Variants in USP46 observed in about 807,000 individuals in gnomAD.
The protein encoded by USP46 is ubiquitin carboxyl-terminal hydrolase 46.
A neutral mutation model predicts 44.4 loss-of-function variants in USP46; 12 were observed. That is an observed-to-expected ratio of 0.27 (90% CI 0.17 to 0.44). The LOEUF (loss-of-function observed/expected upper bound fraction) is 0.44. Among genes scored for constraint, USP46 ranks in the 20% least tolerant of loss-of-function variants. The pLI is 1.00. For missense variants in USP46, 248 were observed against 444.8 expected (o/e 0.56, Z 3.98); for synonymous variants, 155 against 161.5 (o/e 0.96, Z 0.31).
chr4:52,621,151 CAAAGA>C (rs760779025), intron 4 of USP46, among the ~76,000 whole-genome samples: 2 of 151,962 alleles, frequency 1.3e-5, no homozygotes, highest in Non-Finnish European at 2.9e-5. Flanking sequence ...GAAGCTCTTC[CAAAGA>C]AAAGAGAGAA....
chr4:52,625,998 A>AGAT lies in USP46; in HGVS notation c.561+19_561+20insATC. On this transcript the variant is annotated intron_variant, in intron 4 of 8. Coordinates refer to ENST00000441222, the MANE Select transcript of USP46 (RefSeq NM_022832.4). ...TAAATATGAACATGCGAGCTACATA[A>AGAT]GAGCTCCCCTAGTACTTACAGTTTC... The AGAT allele has an allele frequency of 3.1e-6, 5 of 1,602,580 alleles. No homozygotes were observed. Among genetic ancestry groups the AGAT allele is most frequent in the Non-Finnish European group, 4.3e-6 (5 of 1,171,996 alleles).
At chr4:52,600,086 C>A (rs938763339) in intron 7 of USP46, among the ~76,000 whole-genome samples, 1 of 152,196 alleles carries the variant, frequency 6.6e-6, no homozygotes, top group Non-Finnish European at 1.5e-5. Context: ...AAATTATCTG[C>A]AGTGGTTTGT....
Position 52,602,177 on chromosome 4 carries a change from A to G in USP46, c.723-123T>C, listed in dbSNP as rs1433669578. 24 of 1,095,236 alleles carry G rather than the reference A, an allele frequency of 2.2e-5. 1 individual carries two copies. The East Asian group carries it at 5.3e-4, about 24-fold the overall frequency. 67.8% of individuals were successfully genotyped at this position (1,095,236 alleles called of 1,614,324 possible). ...TCCAACTTCAAACCAGCAAACAACCAAACAGTTTGCAAGGATAAAAGTATG... is the reference window on the plus strand; with the variant it reads ...TCCAACTTCAAACCAGCAAACAACCGAACAGTTTGCAAGGATAAAAGTATG... On this transcript the variant is annotated intron_variant, in intron 6 of 8. Transcript: ENST00000441222.
intron 1 of USP46, among the ~76,000 whole-genome samples, chr4:52,657,607 C>T (rs1443323433): frequency 6.6e-6 from 1 of 152,152 alleles, no homozygotes; most frequent in Admixed American, 6.5e-5. Context: ...AGGAACTGGT[C>T]GTAGGAGAGA....
chr4:52,639,808 C>T (rs181432462), intron 1 of USP46, among the ~76,000 whole-genome samples: 5 of 151,886 alleles, frequency 3.3e-5, no homozygotes, highest in Admixed American at 3.3e-4. Flanking sequence ...GTGATCCTCC[C>T]ACCTCAGCCC....
chr4:52,607,660 C>A (rs1716742130), intron 5 of USP46, among the ~76,000 whole-genome samples: 1 of 152,140 alleles, frequency 6.6e-6, no homozygotes, highest in Non-Finnish European at 1.5e-5. Flanking sequence ...GGGCAGAATT[C>A]TCATGAGTGG....
intron 1 of USP46, 45 bp from the exon 2 acceptor site, chr4:52,631,189 C>T (rs1328182583): frequency 2.7e-6 from 4 of 1,461,610 alleles, no homozygotes; most frequent in Non-Finnish European, 3.7e-6. Flanking sequence ...GTAAAATAGA[C>T]AAAAAGTAAA....
rs201161045 is a variant in USP46 at position 52,625,968 on chromosome 4, G to A, written c.561+50C>T. ...ACATTGCAATCACATGCAACATAGC[G>A]TACATAAATATGAACATGCGAGCTA... On this transcript the variant is annotated intron_variant, in intron 4 of 8. Transcript: ENST00000441222. 6.2e-4 allele frequency: 937 copies of A among 1,520,886 alleles called. 10 individuals are homozygous for A. In the South Asian group the frequency reaches 8.4e-3, roughly 14 times the overall value. 94.2% of individuals were successfully genotyped at this position (1,520,886 alleles called of 1,614,324 possible).
At chr4:52,600,588 C>T (rs970818496) in intron 7 of USP46, among the ~76,000 whole-genome samples, 1 of 152,222 alleles carries the variant, frequency 6.6e-6, no homozygotes, top group South Asian at 2.1e-4. Flanking sequence ...AGTTCCCTTA[C>T]CTGTGTCTCT....
At chr4:52,627,095 C>T (rs533877063) in intron 3 of USP46, among the ~76,000 whole-genome samples, 51 of 152,240 alleles carry the variant, frequency 3.3e-4, no homozygotes, top group South Asian at 8.3e-4. Context: ...CTGCTCCCTG[C>T]CATAAGGACA....
At chr4:52,617,415 T>C (rs1472363882) in intron 4 of USP46, among the ~76,000 whole-genome samples, 1 of 152,226 alleles carries the variant, frequency 6.6e-6, no homozygotes, top group Non-Finnish European at 1.5e-5. Context: ...GCAAATCTTT[T>C]TCTGAACTTA....
At chr4:52,627,744 C>T (rs974795999) in intron 3 of USP46, among the ~76,000 whole-genome samples, 3 of 152,146 alleles carry the variant, frequency 2.0e-5, no homozygotes, top group South Asian at 2.1e-4. Context: ...AATAAATGTG[C>T]GTTTTTAAGC....
intron 1 of USP46, chr4:52,658,244 AG>A: frequency 2.2e-6 from 1 of 456,182 alleles, no homozygotes. Flanking sequence ...AGGCGCCAGC[AG>A]GGTCCAGCCT....
intron 7 of USP46, among the ~76,000 whole-genome samples, chr4:52,601,530 C>G (rs545566530): frequency 2.7e-4 from 41 of 152,264 alleles, no homozygotes; most frequent in African/African-American, 8.9e-4. Context: ...GTAAATGCAA[C>G]TTGGCTTTTT....
At chr4:52,657,969 G>A (rs972466567) in intron 1 of USP46, among the ~76,000 whole-genome samples, 2 of 152,166 alleles carry the variant, frequency 1.3e-5, no homozygotes, top group African/African-American at 4.8e-5. Flanking sequence ...ATGGGGGAAG[G>A]GCAGCCAGAT....
Position 52,597,349 on chromosome 4 carries a change from A to G in USP46, c.*291T>C, listed in dbSNP as rs1716284229. On this transcript the variant is annotated 3_prime_UTR_variant, in exon 9 of 9. Transcript: ENST00000441222. ...TTCATAGGAAATGTCATTCTAATAC[A>G]GCCAGACATAATGAATGGCATAGCT... The G allele has an allele frequency of 3.3e-6, 1 of 304,080 alleles. No individual in the cohort carries two copies. The highest frequency in any genetic ancestry group is 5.3e-5 in the Admixed American group (1 of 18,926). 18.8% of individuals were successfully genotyped at this position (304,080 alleles called of 1,614,324 possible). A position where few individuals can be genotyped will look rare whatever the true frequency, so the allele number is the denominator to read the frequency against.
rs148559664 is a variant in USP46 at position 52,651,705 on chromosome 4, G to T, written c.36+7410C>A. Among the ~76,000 whole-genome samples the T allele has an allele frequency of 2.4e-4, 37 of 152,212 alleles. No individual in the cohort carries two copies. In the East Asian group the frequency reaches 7.0e-3, roughly 29 times the overall value. ...CTTGAAAAAGCAACTGGGTAAACAG[G>T]AAAACTCTGCAAGTCCAGCTTTGCT... On this transcript the variant is annotated intron_variant, in intron 1 of 8. Transcript: ENST00000441222.
chr4:52,624,774 T>C (rs779812554), intron 4 of USP46, among the ~76,000 whole-genome samples: 1 of 152,122 alleles, frequency 6.6e-6, no homozygotes, highest in African/African-American at 2.4e-5. Flanking sequence ...ATGATAAGAT[T>C]TGTACCCTTA....
chr4:52,639,019 T>C (rs977097918), intron 1 of USP46, among the ~76,000 whole-genome samples: 2 of 152,190 alleles, frequency 1.3e-5, no homozygotes, highest in African/African-American at 4.8e-5. Context: ...CTTCACATGC[T>C]AGCATTTTTC....
Sources: allele counts gnomAD v4.1 joint callset (sites outside exome capture counted in the v4.1 genomes callset), GRCh38; gene constraint gnomAD v4.1.1; transcripts MANE v1.5; gene names NCBI Gene and HGNC (gene_info 2026-07-23, HGNC 2026-07-21).